SLC7A7: variants seen among roughly 807,000 people sequenced by gnomAD.
SLC7A7 encodes the protein solute carrier family 7 member 7.
A neutral mutation model predicts 47.9 loss-of-function variants in SLC7A7; 39 were observed. The observed-to-expected ratio is 0.81, with a 90% confidence interval of 0.63 to 1.06. SLC7A7 has a LOEUF of 1.06. SLC7A7 is among the 50% of genes least tolerant of loss of function. The pLI is 0.00. For missense variants in SLC7A7, 588 were observed against 632.0 expected (o/e 0.93, Z 0.75); for synonymous variants, 234 against 242.8 (o/e 0.96, Z 0.34).
chr14:22,777,730 C>G (rs186011089), intron 4 of SLC7A7, among the ~76,000 whole-genome samples: 334 of 152,354 alleles, frequency 2.2e-3, no homozygotes, highest in Non-Finnish European at 4.1e-3. Flanking sequence ...TTCTGTTTCT[C>G]AAGCCAAAAG....
At chr14:22,792,337 A>G (rs2038938144) in intron 2 of SLC7A7, among the ~76,000 whole-genome samples, 1 of 152,110 alleles carries the variant, frequency 6.6e-6, no homozygotes, top group Non-Finnish European at 1.5e-5. Flanking sequence ...CCAAGACGTG[A>G]GGATCACTTG....
At chr14:22,775,654 A>T in intron 6 of SLC7A7, 114 bp from the exon 7 acceptor site, 1 of 991,076 alleles carries the variant, frequency 1.0e-6, no homozygotes, top group Non-Finnish European at 1.6e-6. Context: ...GTATTTGGAT[A>T]ATATGGACTG....
At chr14:22,784,395 A>G (rs1451979387) in intron 2 of SLC7A7, among the ~76,000 whole-genome samples, 1 of 152,206 alleles carries the variant, frequency 6.6e-6, no homozygotes, top group Non-Finnish European at 1.5e-5. Flanking sequence ...CGAGGTGGAC[A>G]GATCACGAGG....
chr14:22,782,758 G>A (rs1355611447), intron 2 of SLC7A7, among the ~76,000 whole-genome samples: 7 of 149,428 alleles, frequency 4.7e-5, no homozygotes, highest in Non-Finnish European at 7.4e-5. Context: ...CACCACACCC[G>A]TCCCTTTTTG....
At chr14:22,787,144 T>C (rs1470900277) in intron 2 of SLC7A7, among the ~76,000 whole-genome samples, 2 of 152,060 alleles carry the variant, frequency 1.3e-5, no homozygotes, top group Admixed American at 1.3e-4. Context: ...ACCCTAAAAA[T>C]GTTGACTAGG....
chr14:22,808,526 A>C (rs7146300), intron 2 of SLC7A7, among the ~76,000 whole-genome samples: 1 of 152,062 alleles, frequency 6.6e-6, no homozygotes, highest in Non-Finnish European at 1.5e-5. Flanking sequence ...GTGCCTGAAG[A>C]CCAGGCACAA....
At chr14:22,806,118 C>CAAAAA (rs753674829) in intron 2 of SLC7A7, among the ~76,000 whole-genome samples, 1 of 66,210 alleles carries the variant, frequency 1.5e-5, no homozygotes, top group Admixed American at 2.4e-4. Flanking sequence ...GACTCTGTCT[C>CAAAAA]AAAAAAAAAA....
intron 2 of SLC7A7, among the ~76,000 whole-genome samples, chr14:22,782,347 C>T (rs900243074): frequency 2.6e-5 from 4 of 151,982 alleles, no homozygotes; most frequent in Non-Finnish European, 5.9e-5. Flanking sequence ...AGGTGATCCA[C>T]CCACCTCAGC....
chr14:22,785,499 G>A (rs560917445), intron 2 of SLC7A7, among the ~76,000 whole-genome samples: 32 of 150,398 alleles, frequency 2.1e-4, no homozygotes, highest in East Asian at 1.6e-3. Context: ...AGGCCAAGGC[G>A]GGCAGATCAT....
intron 2 of SLC7A7, among the ~76,000 whole-genome samples, chr14:22,808,496 T>C (rs752935734): frequency 1.3e-5 from 2 of 152,170 alleles, no homozygotes; most frequent in Non-Finnish European, 2.9e-5. Context: ...ATCTGACTTG[T>C]GTCAGGTGCT....
intron 2 of SLC7A7, among the ~76,000 whole-genome samples, chr14:22,789,489 G>A (rs910469868): frequency 2.6e-5 from 4 of 151,990 alleles, no homozygotes; most frequent in African/African-American, 9.7e-5. Flanking sequence ...ATAGCTGGGT[G>A]TGGTGGTGGG....
chr14:22,776,387 G>A lies in SLC7A7; in HGVS notation c.771-69C>T, dbSNP rs1229175437. On this transcript the variant is annotated intron_variant, in intron 4 of 9. Coordinates refer to ENST00000674313, the MANE Select transcript of SLC7A7 (RefSeq NM_003982.4). ...ATCCCTATCTCTCCTTTAATCCTTA[G>A]ACTCTCCCTGCCACACCGGTCTTTC... The A allele has an allele frequency of 6.9e-6, 11 of 1,594,242 alleles. No homozygotes were observed. In the African/African-American group the frequency reaches 1.5e-4, roughly 21 times the overall value.
chr14:22,794,623 C>A (rs371497569), intron 2 of SLC7A7, among the ~76,000 whole-genome samples: 2 of 152,130 alleles, frequency 1.3e-5, no homozygotes, highest in African/African-American at 4.8e-5. Context: ...GAGACAGTTT[C>A]GCAGGCTAAT....
chr14:22,798,211 C>T (rs1391720161), intron 2 of SLC7A7, among the ~76,000 whole-genome samples: 2 of 152,002 alleles, frequency 1.3e-5, no homozygotes, highest in Non-Finnish European at 2.9e-5. Flanking sequence ...GCAGGAGAAT[C>T]GCTTGAACCC....
chr14:22,819,402 G>A (rs1367986695), upstream of SLC7A7, among the ~76,000 whole-genome samples: 1 of 127,764 alleles, frequency 7.8e-6, no homozygotes, highest in African/African-American at 3.3e-5. Flanking sequence ...GGCTAAGACA[G>A]TCTCTTTAAA....
intron 2 of SLC7A7, among the ~76,000 whole-genome samples, chr14:22,802,766 C>A (rs142026315): frequency 1.3e-5 from 2 of 152,230 alleles, no homozygotes; most frequent in African/African-American, 4.8e-5. Flanking sequence ...CTATATCACT[C>A]CCCTGTTTAA....
chr14:22,818,155 T>C (rs181549820), upstream of SLC7A7, among the ~76,000 whole-genome samples: 2 of 152,206 alleles, frequency 1.3e-5, no homozygotes, highest in South Asian at 2.1e-4. Context: ...AAGGGAAAAC[T>C]GTGAGGGGGA....
chr14:22,808,644 TAA>T (rs1286764786), intron 2 of SLC7A7, among the ~76,000 whole-genome samples: 4 of 152,130 alleles, frequency 2.6e-5, no homozygotes, highest in Non-Finnish European at 5.9e-5. Flanking sequence ...CCATCTCTAT[TAA>T]AGAAAATTAA....
At chr14:22,781,006 C>T (rs1438309214) in intron 2 of SLC7A7, among the ~76,000 whole-genome samples, 2 of 151,428 alleles carry the variant, frequency 1.3e-5, no homozygotes, top group Non-Finnish European at 2.9e-5. Flanking sequence ...AGAATGTGGC[C>T]GAGAAGAAAG....
Sources: allele counts gnomAD v4.1 joint callset (sites outside exome capture counted in the v4.1 genomes callset), GRCh38; gene constraint gnomAD v4.1.1; transcripts MANE v1.5; gene names NCBI Gene and HGNC (gene_info 2026-07-23, HGNC 2026-07-21).